BACE1: variants seen among roughly 807,000 people sequenced by gnomAD.
BACE1 encodes beta-secretase 1, also known as APP beta-secretase.
A neutral mutation model predicts 54.0 loss-of-function variants in BACE1; 21 were observed. That is an observed-to-expected ratio of 0.39 (90% CI 0.28 to 0.56). The LOEUF (loss-of-function observed/expected upper bound fraction) is 0.56. Among genes scored for constraint, BACE1 ranks in the 20% least tolerant of loss-of-function variants. The pLI, the probability that BACE1 is intolerant of heterozygous loss-of-function variation, is 0.63. For synonymous variants in BACE1, 232 were observed against 260.9 expected, an observed-to-expected ratio of 0.89 and a Z score of 1.07; for missense variants, 511 against 661.2, an observed-to-expected ratio of 0.77 and a Z score of 2.49.
At chr11:117,290,290 C>G (rs17120560) in intron 8 of BACE1, among the ~76,000 whole-genome samples, 198 bp downstream of exon 8, 3,090 of 152,280 alleles carry the variant, frequency 0.02, 44 homozygotes, top group Middle Eastern at 0.044. Flanking sequence ...GGTTACCAAT[C>G]CAGGCAGTGG....
chr11:117,291,622 G>A, intron 6 of BACE1, 90 bp downstream of exon 6: 3 of 941,564 alleles, frequency 3.2e-6, no homozygotes, highest in Non-Finnish European at 5.1e-6. Flanking sequence ...TCTAAGTGCA[G>A]ACATCTTGGC....
Position 117,288,882 on chromosome 11 carries a change from A to G in BACE1, c.*684T>C, listed in dbSNP as rs528342713. 1 of 152,350 alleles carries G rather than the reference A, an allele frequency of 6.6e-6. No individual in the cohort carries two copies. The highest frequency in any genetic ancestry group is 2.1e-4 in the South Asian group (1 of 4,828). The allele number at this position is 152,350 out of a possible 1,614,324, so 9.4% of individuals were successfully genotyped here. ...TCTGAGATGGGATGCTATCTTGGAG[A>G]TGAGGTCTAAAACTAGGACTGGTGA... On this transcript the variant is annotated 3_prime_UTR_variant, in exon 9 of 9. Transcript: ENST00000313005.
intron 1 of BACE1, among the ~76,000 whole-genome samples, chr11:117,307,151 G>A (rs921474192): frequency 1.3e-5 from 2 of 152,120 alleles, no homozygotes; most frequent in African/African-American, 2.4e-5. Context: ...AGGTGCTGTC[G>A]CATCCTGCCA....
chr11:117,301,296 A>G (rs2134473293), intron 1 of BACE1, among the ~76,000 whole-genome samples: 1 of 152,316 alleles, frequency 6.6e-6, no homozygotes, highest in South Asian at 2.1e-4. Context: ...AAGTGCCTCA[A>G]AGATACCTCA....
At chr11:117,299,681 C>T in intron 1 of BACE1, 1 of 407,448 alleles carries the variant, frequency 2.5e-6, no homozygotes, top group South Asian at 1.7e-5. Context: ...GGTCTCTGGG[C>T]AGCCACCAGC....
chr11:117,308,405 A>G (rs1296804337), intron 1 of BACE1, among the ~76,000 whole-genome samples: 2 of 151,786 alleles, frequency 1.3e-5, no homozygotes, highest in African/African-American at 4.8e-5. Context: ...CCAGATTCCC[A>G]CTGTCAGCTG....
chr11:117,300,053 C>T (rs927885387), intron 1 of BACE1, among the ~76,000 whole-genome samples: 17 of 152,008 alleles, frequency 1.1e-4, no homozygotes, highest in East Asian at 9.7e-4. Context: ...TCCTCTCCTG[C>T]GAGGCAGGAG....
intron 2 of BACE1, 24 bp from the exon 3 acceptor site, chr11:117,295,371 G>A (rs1286917693): frequency 6.2e-7 from 1 of 1,608,662 alleles, no homozygotes; most frequent in Admixed American, 1.7e-5. Context: ...GCAGAGATCT[G>A]TGGATGCATA....
At chr11:117,303,209 T>C (rs952166154) in intron 1 of BACE1, among the ~76,000 whole-genome samples, 5 of 152,174 alleles carry the variant, frequency 3.3e-5, no homozygotes, top group African/African-American at 4.8e-5. Context: ...CCTGCCTGTA[T>C]TTACGCAGCC....
At chr11:117,295,687 C>T (rs2034581646) in intron 2 of BACE1, 7 of 1,502,188 alleles carry the variant, frequency 4.7e-6, no homozygotes, top group Non-Finnish European at 6.2e-6. Flanking sequence ...CTCTTCCGCC[C>T]TCTGGCTCCG....
intron 1 of BACE1, among the ~76,000 whole-genome samples, chr11:117,308,667 T>A (rs946769666): frequency 6.6e-6 from 1 of 152,022 alleles, no homozygotes; most frequent in Non-Finnish European, 1.5e-5. Context: ...TTGTACTTCC[T>A]GGCTGGGTGC....
intron 1 of BACE1, among the ~76,000 whole-genome samples, chr11:117,299,422 C>A (rs568179122): frequency 6.6e-6 from 1 of 152,042 alleles, no homozygotes; most frequent in East Asian, 1.9e-4. Context: ...ACTTCAGTTT[C>A]GTCCTCTCTG....
chr11:117,289,383 G>T lies in BACE1; in HGVS notation c.*183C>A. On this transcript the variant is annotated 3_prime_UTR_variant, in exon 9 of 9. Coordinates refer to ENST00000313005, the MANE Select transcript of BACE1 (RefSeq NM_012104.6). ...TTCTTCTCTTTTCTGTTTCCTACAGGTACAGTCCCTGGAACCCACCTTGCC... is the reference window on the plus strand; with the variant it reads ...TTCTTCTCTTTTCTGTTTCCTACAGTTACAGTCCCTGGAACCCACCTTGCC... 1 of 953,504 alleles carries T rather than the reference G, an allele frequency of 1.0e-6. No homozygotes were observed. 59.1% of individuals were successfully genotyped at this position (953,504 alleles called of 1,614,324 possible).
At position 117,293,701 on chromosome 11, in the gene BACE1, C is replaced by A; in HGVS notation, c.705+170G>T. On this transcript the variant is annotated intron_variant, in intron 4 of 8. Coordinates refer to ENST00000313005, the MANE Select transcript of BACE1 (RefSeq NM_012104.6). This position sits in a 1 kb window ranked among gnomAD's most constrained non-coding sequence, Gnocchi z 4.1. ...GTGCCTTGATTCCTTTCTGGAATAACGCAAAAAAGAAAAGAATGGAAAAAT... is the reference window on the plus strand; with the variant it reads ...GTGCCTTGATTCCTTTCTGGAATAAAGCAAAAAAGAAAAGAATGGAAAAAT... 1.5e-6 allele frequency: 1 copy of A among 655,770 alleles called. No homozygotes were observed. The highest frequency in any genetic ancestry group is 2.2e-6 in the Non-Finnish European group (1 of 455,732). 40.6% of individuals were successfully genotyped at this position (655,770 alleles called of 1,614,324 possible). A position where few individuals can be genotyped will look rare whatever the true frequency, so the allele number is the denominator to read the frequency against.
chr11:117,293,306 C>G lies in BACE1; in HGVS notation c.706-118G>C. The G allele has an allele frequency of 9.8e-7, 1 of 1,024,050 alleles. No homozygotes were observed. Among genetic ancestry groups the G allele is most frequent in the Non-Finnish European group, 1.4e-6 (1 of 709,720 alleles). 63.4% of individuals were successfully genotyped at this position (1,024,050 alleles called of 1,614,324 possible). A position where few individuals can be genotyped will look rare whatever the true frequency, so the allele number is the denominator to read the frequency against. ...GTGGCAAGGTCTTCTACAGGCTACC[C>G]TTTTCATCTTCCTGCTTCTAAACAA... On this transcript the variant is annotated intron_variant, in intron 4 of 8. Coordinates refer to ENST00000313005, the MANE Select transcript of BACE1 (RefSeq NM_012104.6). The surrounding 1 kb of genome is among the most constrained non-coding windows in gnomAD (Gnocchi z 4.1).
intron 3 of BACE1, among the ~76,000 whole-genome samples, chr11:117,294,802 T>C (rs925482296): frequency 1.3e-5 from 2 of 151,662 alleles, no homozygotes; most frequent in Admixed American, 6.6e-5. Flanking sequence ...GGAAAATCGC[T>C]TGAACCGAGG....
chr11:117,308,912 A>C (rs2034890232), intron 1 of BACE1, among the ~76,000 whole-genome samples: 1 of 152,142 alleles, frequency 6.6e-6, no homozygotes, highest in Non-Finnish European at 1.5e-5. Flanking sequence ...AGATCGCGCC[A>C]CTGCACTCCA....
In BACE1 at chr11:117,293,533, A is replaced by G. The variant is rs941363087; in HGVS notation, c.705+338T>C. On this transcript the variant is annotated intron_variant, in intron 4 of 8. Coordinates refer to ENST00000313005, the MANE Select transcript of BACE1 (RefSeq NM_012104.6). This position sits in a 1 kb window ranked among gnomAD's most constrained non-coding sequence, Gnocchi z 4.1. ...TCTGCTTATTGGAGAACCATTCACC[A>G]TTGTTCTAATTAATTAATAAATAGA... 2.2e-5 allele frequency: 6 copies of G among 272,290 alleles called. No homozygotes were observed. Among genetic ancestry groups the G allele is most frequent in the African/African-American group, 1.3e-4 (6 of 45,264 alleles). The allele number at this position is 272,290 out of a possible 1,614,324, so 16.9% of individuals were successfully genotyped here.
intron 1 of BACE1, among the ~76,000 whole-genome samples, chr11:117,312,493 C>T (rs1018608387): frequency 3.3e-5 from 5 of 152,026 alleles, no homozygotes; most frequent in Admixed American, 1.3e-4. Context: ...GACGGAGTCT[C>T]GCTCTGTCAC....
Sources: gnomAD v4.1 joint callset for allele counts (sites outside exome capture counted in the v4.1 genomes callset) on GRCh38, gnomAD v4.1.1 for gene constraint, Gnocchi (gnomAD v3.1) non-coding constraint, MANE v1.5 for transcripts, NCBI Gene and HGNC (gene_info 2026-07-23, HGNC 2026-07-21) for gene names.